The following LRRTM3 variants were observed in gnomAD, a reference collection of about 807,000 sequenced individuals.
LRRTM3 encodes the protein leucine rich repeat transmembrane neuronal 3.
A neutral mutation model predicts 44.7 loss-of-function variants in LRRTM3; 24 were observed. That is an observed-to-expected ratio of 0.54 (90% confidence interval 0.39 to 0.76). LRRTM3 has a LOEUF of 0.76. Among genes scored for constraint, LRRTM3 ranks in the 30% least tolerant of loss-of-function variants. LRRTM3 has a pLI of 0.00. For missense variants in LRRTM3, 587 were observed against 702.2 expected (o/e 0.84, Z 1.85); for synonymous variants, 277 against 278.7 (o/e 0.99, Z 0.06).
chr10:67,042,639 C>T (rs1033830943), intron 2 of LRRTM3, among the ~76,000 whole-genome samples: 4 of 150,586 alleles, frequency 2.7e-5, no homozygotes, highest in African/African-American at 9.8e-5. Context: ...AGAGAAGGAA[C>T]GGAGGAAAAG....
chr10:67,018,243 T>G (rs1454995033), intron 2 of LRRTM3, among the ~76,000 whole-genome samples: 1 of 152,214 alleles, frequency 6.6e-6, no homozygotes, highest in Non-Finnish European at 1.5e-5. Flanking sequence ...AATGAGAGCA[T>G]AAAGGCATAT....
At chr10:67,021,627 G>A (rs1853022572) in intron 2 of LRRTM3, among the ~76,000 whole-genome samples, 1 of 151,968 alleles carries the variant, frequency 6.6e-6, no homozygotes, top group Non-Finnish European at 1.5e-5. Context: ...GAATAAAATT[G>A]TATCTATACT....
intron 2 of LRRTM3, among the ~76,000 whole-genome samples, chr10:67,031,221 C>A (rs1012211890): frequency 2.6e-4 from 39 of 152,082 alleles, no homozygotes; most frequent in African/African-American, 8.4e-4. Flanking sequence ...CTATATATAA[C>A]AATACATTTG....
intron 2 of LRRTM3, among the ~76,000 whole-genome samples, chr10:67,030,771 C>T (rs1305725356): frequency 1.3e-5 from 2 of 152,014 alleles, no homozygotes; most frequent in South Asian, 2.1e-4. Context: ...TTTGGGAGGC[C>T]GAGGTGGGCA....
At chr10:66,955,752 C>T (rs1476526073) in intron 2 of LRRTM3, among the ~76,000 whole-genome samples, 1 of 152,130 alleles carries the variant, frequency 6.6e-6, no homozygotes, top group Non-Finnish European at 1.5e-5. Context: ...TTTGAAAACC[C>T]TAGGTTACAA....
At chr10:67,047,238 G>A (rs1262618980) in intron 2 of LRRTM3, among the ~76,000 whole-genome samples, 8 of 152,112 alleles carry the variant, frequency 5.3e-5, no homozygotes. Flanking sequence ...GGAGTCTCTA[G>A]ATGTGTAAAA....
At chr10:66,966,484 T>C (rs1849416899) in intron 2 of LRRTM3, among the ~76,000 whole-genome samples, 1 of 76,146 alleles carries the variant, frequency 1.3e-5, no homozygotes, top group African/African-American at 3.2e-5. Flanking sequence ...CTATGTAATA[T>C]ATTTTTTTTT....
chr10:67,042,520 A>C (rs1050222846), intron 2 of LRRTM3, among the ~76,000 whole-genome samples: 3 of 152,014 alleles, frequency 2.0e-5, no homozygotes, highest in Admixed American at 6.6e-5. Flanking sequence ...TATAAGACAT[A>C]GAGTGTGGCA....
chr10:66,964,111 A>C (rs1849272353), intron 2 of LRRTM3, among the ~76,000 whole-genome samples: 1 of 151,934 alleles, frequency 6.6e-6, no homozygotes, highest in Non-Finnish European at 1.5e-5. Flanking sequence ...CAGCCTCCCA[A>C]AGTGCTGGGA....
chr10:67,071,760 A>G (rs146761489), intron 2 of LRRTM3, among the ~76,000 whole-genome samples: 1 of 152,314 alleles, frequency 6.6e-6, no homozygotes, highest in East Asian at 1.9e-4. Context: ...TAAAAAAATT[A>G]GCATAACACA....
intron 2 of LRRTM3, among the ~76,000 whole-genome samples, chr10:67,094,157 C>G (rs1383299892): frequency 6.6e-6 from 1 of 151,880 alleles, no homozygotes; most frequent in Non-Finnish European, 1.5e-5. Flanking sequence ...CTTGCTCTGA[C>G]AAAGAATAAT....
At chr10:67,005,437 A>T (rs1456075031) in intron 2 of LRRTM3, among the ~76,000 whole-genome samples, 1 of 151,972 alleles carries the variant, frequency 6.6e-6, no homozygotes, top group African/African-American at 2.4e-5. Context: ...ATTCAAAATT[A>T]TTTCTTTCTT....
chr10:66,937,302 A>C (rs1008671297), intron 2 of LRRTM3, among the ~76,000 whole-genome samples: 1 of 152,180 alleles, frequency 6.6e-6, no homozygotes, highest in South Asian at 2.1e-4. Context: ...TGTTGCAAGA[A>C]GGCAAAGAAT....
chr10:67,088,277 C>G (rs1274477592), intron 2 of LRRTM3, among the ~76,000 whole-genome samples: 5 of 151,588 alleles, frequency 3.3e-5, no homozygotes, highest in African/African-American at 7.3e-5. Context: ...ATTCAGCAAA[C>G]CTTCACTGAA....
chr10:66,941,003 C>A (rs1240537607), intron 2 of LRRTM3, among the ~76,000 whole-genome samples: 1 of 152,160 alleles, frequency 6.6e-6, no homozygotes, highest in Non-Finnish European at 1.5e-5. Flanking sequence ...ATTAAACCTT[C>A]TCCACCTGTA....
intron 2 of LRRTM3, among the ~76,000 whole-genome samples, chr10:67,076,598 A>C (rs1856764378): frequency 6.6e-6 from 1 of 152,236 alleles, no homozygotes; most frequent in Non-Finnish European, 1.5e-5. Flanking sequence ...TTAAAAATTG[A>C]ATACAAATAA....
At chr10:66,974,542 G>A (rs1251274915) in intron 2 of LRRTM3, among the ~76,000 whole-genome samples, 3 of 152,146 alleles carry the variant, frequency 2.0e-5, no homozygotes, top group Admixed American at 1.3e-4. Context: ...TTACTGGTTC[G>A]TAGTGTAAGT....
At chr10:66,992,948 C>T (rs898871387) in intron 2 of LRRTM3, among the ~76,000 whole-genome samples, 53 of 152,034 alleles carry the variant, frequency 3.5e-4, no homozygotes, top group Non-Finnish European at 2.2e-4. Context: ...ATTGTTATAG[C>T]TTTATAAGTT....
Position 67,097,802 on chromosome 10 carries a change from A to T in LRRTM3, c.*6A>T. On this transcript the variant is annotated 3_prime_UTR_variant, in exon 3 of 3. Transcript: ENST00000361320. ...ATAAACAGCAGCTAGCTTAACTGAG[A>T]TCATTGGTAGCCAGGGGTTGCTACC... The T allele has an allele frequency of 6.2e-7, 1 of 1,611,910 alleles. No individual in the cohort carries two copies. The highest frequency in any genetic ancestry group is 8.5e-7 in the Non-Finnish European group (1 of 1,178,560).
Sources: gnomAD v4.1 joint callset for allele counts (sites outside exome capture counted in the v4.1 genomes callset) on GRCh38, gnomAD v4.1.1 for gene constraint, MANE v1.5 for transcripts, NCBI Gene and HGNC (gene_info 2026-07-23, HGNC 2026-07-21) for gene names.